GCC2: variants seen among roughly 807,000 people sequenced by gnomAD.
GCC2 encodes the protein GRIP and coiled-coil domain containing 2, also known as GRIP and coiled-coil domain-containing protein 2.
Under a neutral mutation model 210.6 loss-of-function variants are expected in GCC2, and 120 were observed. The ratio of observed to expected loss-of-function variants is 0.57; its 90% CI spans 0.49 to 0.66. GCC2 has a LOEUF of 0.66. Among genes scored for constraint, GCC2 ranks in the 30% least tolerant of loss-of-function variants. The pLI, the probability that GCC2 is intolerant of heterozygous loss-of-function variation, is 0.00. For synonymous variants in GCC2, 703 were observed against 652.7 expected, an observed-to-expected ratio of 1.08 and a Z score of -1.17; for missense variants, 1,868 against 1,871.9, an observed-to-expected ratio of 1.00 and a Z score of 0.04.
At chr2:108,449,564 G>C (rs750512548) in intron 1 of GCC2, 69 bp from the exon 2 acceptor site, 4 of 1,446,630 alleles carry the variant, frequency 2.8e-6, no homozygotes, top group Non-Finnish European at 3.9e-6. Flanking sequence ...CCCTGTAAGG[G>C]TTCTACGCGT....
At chr2:108,478,079 G>A (rs1681637008) in intron 9 of GCC2, among the ~76,000 whole-genome samples, 1 of 152,052 alleles carries the variant, frequency 6.6e-6, no homozygotes, top group Admixed American at 6.5e-5. Context: ...TGATATGCCT[G>A]GTCTACCTCT....
Position 108,475,603 on chromosome 2 carries a change from G to A in GCC2, c.2929G>A (p.Ala977Thr), listed in dbSNP as rs201533301. 41 of 1,544,688 alleles carry A rather than the reference G, an allele frequency of 2.7e-5. No homozygotes were observed. Among genetic ancestry groups the A allele is most frequent in the Non-Finnish European group, 8.7e-7 (1 of 1,148,138 alleles). ...INKIKLVAVK[A>T]KKELDSSRKE... Reference sequence around the variant, plus strand: ...TAAGATAAAATTAGTTGCCGTAAAGGCAAAGAAAGAACTAGATTCCAGCAG... The same window carrying A: ...TAAGATAAAATTAGTTGCCGTAAAGACAAAGAAAGAACTAGATTCCAGCAG... The change falls in exon 8 of 23, where the codon GCA (alanine) becomes ACA (threonine). Residue 977 changes from alanine to threonine, a missense_variant. Transcript: ENST00000309863.
rs765277966 is a variant in GCC2 at position 108,507,651 on chromosome 2, T to C, written c.*21T>C. The stretch of plus-strand genomic sequence containing the variant: ...GATAGGTTGATGGAAGGAATATTTT[T>C]ATTAACCAAATAGAATCTATTTACA... On this transcript the variant is annotated 3_prime_UTR_variant, in exon 23 of 23. Coordinates refer to ENST00000309863, the MANE Select transcript of GCC2 (RefSeq NM_181453.4). 6.8e-7 allele frequency: 1 copy of C among 1,471,810 alleles called. No homozygotes were observed. Among genetic ancestry groups the C allele is most frequent in the Non-Finnish European group, 9.4e-7 (1 of 1,065,770 alleles). The allele number at this position is 1,471,810 out of a possible 1,614,324, so 91.2% of individuals were successfully genotyped here.
intron 21 of GCC2, among the ~76,000 whole-genome samples, 197 bp from the exon 22 acceptor site, chr2:108,499,356 T>TTTTA (rs1195496807): frequency 2.6e-5 from 4 of 151,646 alleles, no homozygotes; most frequent in African/African-American, 7.3e-5. Flanking sequence ...GTCAAATGGA[T>TTTTA]TTTATACGGT....
At chr2:108,469,447 T>A (rs1681069069) in intron 5 of GCC2, 1 of 491,352 alleles carries the variant, frequency 2.0e-6, no homozygotes, top group African/African-American at 2.0e-5. Flanking sequence ...GAGTAATAGA[T>A]TTAATATTGT....
chr2:108,497,389 T>C (rs763662977), intron 21 of GCC2, among the ~76,000 whole-genome samples: 9 of 152,246 alleles, frequency 5.9e-5, no homozygotes, highest in Non-Finnish European at 8.8e-5. Flanking sequence ...GTGCTGGTAT[T>C]ACAGGCATGA....
intron 18 of GCC2, among the ~76,000 whole-genome samples, chr2:108,492,296 T>C (rs1682442671): frequency 6.6e-6 from 1 of 152,084 alleles, no homozygotes; most frequent in African/African-American, 2.4e-5. Flanking sequence ...TGATGAACCA[T>C]GAAAGAAGTT....
intron 9 of GCC2, among the ~76,000 whole-genome samples, chr2:108,476,575 TAAG>T (rs1681536942): frequency 6.6e-6 from 1 of 152,166 alleles, no homozygotes; most frequent in Non-Finnish European, 1.5e-5. Context: ...ATTAAAAAGA[TAAG>T]AATTAAAAAT....
rs2104392368 is a variant in GCC2, at chr2:108,449,278, G to T, written c.4G>T (p.Glu2Ter). 6.5e-7 allele frequency: 1 copy of T among 1,549,862 alleles called. No homozygotes were observed. The highest frequency in any genetic ancestry group is 1.4e-5 in the African/African-American group (1 of 73,148). Residue 2 changes from glutamate to a stop codon, truncating the protein, a stop_gained and splice_region_variant, in exon 1 of 23, where the codon GAG becomes TAG. Transcript: ENST00000309863. LOFTEE classifies it high-confidence loss of function. M[E>*]DLVQDGVASP... The stretch of plus-strand genomic sequence containing the variant: ...GGCCGGCGGCGGGCTGGCGGAGATG[G>T]AGGTAACTCAGGTCGGGCCCACTGC...
intron 4 of GCC2, among the ~76,000 whole-genome samples, chr2:108,452,874 A>C (rs1300510497): frequency 1.3e-5 from 2 of 151,686 alleles, no homozygotes; most frequent in Non-Finnish European, 2.9e-5. Flanking sequence ...TTGTATTTTA[A>C]GTAGAGACGG....
intron 4 of GCC2, among the ~76,000 whole-genome samples, chr2:108,461,999 A>AT (rs527454034): frequency 0.37 from 49,849 of 133,648 alleles, 10,602 homozygotes; most frequent in East Asian, 0.9. Context: ...CCCCCAGCTA[A>AT]TTTTTTTTTT....
At chr2:108,451,998 C>G (rs928102455) in intron 3 of GCC2, among the ~76,000 whole-genome samples, 25 of 152,094 alleles carry the variant, frequency 1.6e-4, no homozygotes, top group African/African-American at 5.8e-4. Flanking sequence ...CACCCACCAC[C>G]ATGCCTGGCT....
chr2:108,450,667 C>T (rs910294693), intron 2 of GCC2, among the ~76,000 whole-genome samples: 5 of 152,224 alleles, frequency 3.3e-5, no homozygotes, highest in Middle Eastern at 3.4e-3. Flanking sequence ...AGATCACCTG[C>T]GGTCAGGAGT....
At position 108,495,423 on chromosome 2, in the gene GCC2, C is replaced by T; in HGVS notation, c.4580C>T (p.Ser1527Phe). 1 of 1,593,910 alleles carries T rather than the reference C, an allele frequency of 6.3e-7. No homozygotes were observed. The highest frequency in any genetic ancestry group is 8.5e-7 in the Non-Finnish European group (1 of 1,177,570). ...GAGACAACTGATACGGAGTCTGTGT[C>T]TTCCGCCAGCACATACACACAGTCT... ...GMETTDTESV[S>F]SASTYTQSLE... The change falls in exon 20 of 23, where the codon TCT becomes TTT. Residue 1527 changes from serine (S) to phenylalanine (F), a missense_variant. By Grantham distance (155) the Ser-to-Phe change is radical. Around this residue, in one of 3 missense-constraint regions of GCC2, gnomAD observed 1,847 missense variants for 1,765.2 expected, o/e 1.05. Transcript: ENST00000309863.
intron 9 of GCC2, among the ~76,000 whole-genome samples, chr2:108,480,854 C>T (rs1397875275): frequency 7.7e-6 from 1 of 129,852 alleles, no homozygotes; most frequent in Non-Finnish European, 1.7e-5. Flanking sequence ...ACCCCTGTGA[C>T]ACAAGTTTGC....
chr2:108,486,455 T>A (rs1682143422), intron 15 of GCC2, 56 bp from the exon 16 acceptor site: 1 of 1,575,110 alleles, frequency 6.3e-7, no homozygotes, highest in Admixed American at 1.7e-5. Flanking sequence ...AAGGAAAACC[T>A]CTTTAACTAG....
At chr2:108,464,491 C>T (rs556055914) in intron 4 of GCC2, among the ~76,000 whole-genome samples, 1 of 152,172 alleles carries the variant, frequency 6.6e-6, no homozygotes, top group East Asian at 1.9e-4. Flanking sequence ...TCAGGAAACT[C>T]CCTTTGTGAG....
chr2:108,472,783 G>T, intron 6 of GCC2, 44 bp from the exon 7 acceptor site: 1 of 1,132,016 alleles, frequency 8.8e-7, no homozygotes. Context: ...TCTGATTCTG[G>T]TTTTTGTTTT....
At chr2:108,466,610 G>A (rs1680904668) in intron 4 of GCC2, among the ~76,000 whole-genome samples, 1 of 151,674 alleles carries the variant, frequency 6.6e-6, no homozygotes, top group Non-Finnish European at 1.5e-5. Context: ...GTAGCTGGGA[G>A]TACAGGCGCC....
Sources: gnomAD v4.1 joint callset for allele counts (sites outside exome capture counted in the v4.1 genomes callset) on GRCh38, gnomAD v4.1.1 for gene constraint, gnomAD v4.1.1 regional missense constraint, MANE v1.5 for transcripts, NCBI Gene and HGNC (gene_info 2026-07-23, HGNC 2026-07-21) for gene names.